Variants in PLEKHA5 observed in about 807,000 individuals in gnomAD.
The protein encoded by PLEKHA5 is pleckstrin homology domain-containing family A member 5.
Under a neutral mutation model 181.9 loss-of-function variants are expected in PLEKHA5, and 55 were observed. The observed-to-expected ratio is 0.30, with a 90% CI of 0.24 to 0.38. The LOEUF (loss-of-function observed/expected upper bound fraction) is 0.38. Among genes scored for constraint, PLEKHA5 ranks in the 10% least tolerant of loss-of-function variants. The pLI is 1.00. For missense variants in PLEKHA5, 1,432 were observed against 1,549.5 expected (o/e 0.92, Z 1.27); for synonymous variants, 535 against 529.4 (o/e 1.01, Z -0.15).
At chr12:19,261,841 G>A (rs941423509) in intron 7 of PLEKHA5, among the ~76,000 whole-genome samples, 3 of 152,138 alleles carry the variant, frequency 2.0e-5, no homozygotes, top group Admixed American at 1.3e-4. Flanking sequence ...ACAAAAGACC[G>A]GTAGCAAAAT....
At chr12:19,224,676 C>CT (rs775641052) in intron 3 of PLEKHA5, among the ~76,000 whole-genome samples, 67 of 152,226 alleles carry the variant, frequency 4.4e-4, no homozygotes, top group African/African-American at 1.4e-3. Flanking sequence ...GCTTCAGTGA[C>CT]TATCTCTGCT....
intron 3 of PLEKHA5, among the ~76,000 whole-genome samples, chr12:19,182,746 G>A (rs551075948): frequency 6.6e-6 from 1 of 152,232 alleles, no homozygotes; most frequent in South Asian, 2.1e-4. Context: ...ATAAGTATAA[G>A]TACTGAACCC....
intron 29 of PLEKHA5, among the ~76,000 whole-genome samples, chr12:19,365,000 T>G (rs2095380246): frequency 1.3e-5 from 2 of 152,082 alleles, no homozygotes; most frequent in South Asian, 4.1e-4. Context: ...AACAATCTGT[T>G]AATGCAATAG....
At chr12:19,306,718 G>A (rs1390571820) in intron 15 of PLEKHA5, 15 of 1,403,812 alleles carry the variant, frequency 1.1e-5, no homozygotes, top group Non-Finnish European at 1.5e-5. Context: ...AGGCAAGATC[G>A]ACGAACCACA....
At chr12:19,210,526 C>G (rs1414959536) in intron 3 of PLEKHA5, among the ~76,000 whole-genome samples, 3 of 152,132 alleles carry the variant, frequency 2.0e-5, no homozygotes, top group African/African-American at 7.2e-5. Flanking sequence ...CTGTCTAGCA[C>G]ACATCTTTGG....
chr12:19,200,414 TC>T, intron 3 of PLEKHA5: 1 of 1,505,344 alleles, frequency 6.6e-7, no homozygotes, highest in Non-Finnish European at 8.8e-7. Flanking sequence ...TAGCTTCACT[TC>T]TTGGTGACTA....
chr12:19,170,195 G>T (rs73056340), intron 3 of PLEKHA5, among the ~76,000 whole-genome samples: 1 of 152,100 alleles, frequency 6.6e-6, no homozygotes, highest in African/African-American at 2.4e-5. Flanking sequence ...ATTTTCATTC[G>T]TTGATAAAAT....
chr12:19,254,500 G>T (rs1273750680), intron 4 of PLEKHA5, among the ~76,000 whole-genome samples: 1 of 152,124 alleles, frequency 6.6e-6, no homozygotes, highest in Non-Finnish European at 1.5e-5. Flanking sequence ...TGACCAAGTA[G>T]AATATCTGCA....
chr12:19,287,410 G>T, intron 12 of PLEKHA5, 63 bp from the exon 13 acceptor site: 1 of 879,430 alleles, frequency 1.1e-6, no homozygotes, highest in Non-Finnish European at 1.9e-6. Flanking sequence ...ATTTCTCCTT[G>T]CTGACATTGA....
chr12:19,200,026 A>G (rs1459447809), intron 3 of PLEKHA5, among the ~76,000 whole-genome samples: 1 of 152,122 alleles, frequency 6.6e-6, no homozygotes, highest in East Asian at 1.9e-4. Context: ...GTACAAACAT[A>G]CAGTTAGATG....
At chr12:19,172,875 G>A (rs2046231488) in intron 3 of PLEKHA5, among the ~76,000 whole-genome samples, 2 of 151,222 alleles carry the variant, frequency 1.3e-5, no homozygotes, top group Non-Finnish European at 2.9e-5. Context: ...TGTGTCCTGT[G>A]CTTTTGGGGT....
Position 19,253,694 on chromosome 12 carries a change from CCTATAATCCAAGCTACT to C in PLEKHA5, c.228-245_228-229del, listed in dbSNP as rs561348158. ...TTAACTGGGCGCGTGATGGTGGGCG[CCTATAATCCAAGCTACT>C]TGGGAGGCTGAGGCAGAAGAATTGC... On this transcript the variant is annotated intron_variant, in intron 3 of 31. Transcript: ENST00000429027. Among the ~76,000 whole-genome samples, 554 of 151,882 alleles carry C rather than the reference CCTATAATCCAAGCTACT, an allele frequency of 3.6e-3. 3 individuals are homozygous for C. The highest frequency in any genetic ancestry group is 0.013 in the African/African-American group (535 of 41,414).
chr12:19,299,868 A>C (rs1256207185), intron 15 of PLEKHA5, among the ~76,000 whole-genome samples: 4 of 151,972 alleles, frequency 2.6e-5, no homozygotes, highest in South Asian at 2.1e-4. Flanking sequence ...TTTGCCTTAC[A>C]AAAAAAAGTC....
chr12:19,304,730 C>T (rs1490934114), intron 15 of PLEKHA5, among the ~76,000 whole-genome samples: 2 of 150,956 alleles, frequency 1.3e-5, no homozygotes, highest in Admixed American at 6.6e-5. Flanking sequence ...TAAATCTCCA[C>T]AGGTAGTTTT....
intron 3 of PLEKHA5, among the ~76,000 whole-genome samples, chr12:19,209,181 T>C (rs1163893408): frequency 6.6e-6 from 1 of 152,044 alleles, no homozygotes; most frequent in African/African-American, 2.4e-5. Flanking sequence ...TCTGCTAAAA[T>C]TGAAGGAAGA....
chr12:19,203,645 C>G (rs973261952), intron 3 of PLEKHA5, among the ~76,000 whole-genome samples: 13 of 152,024 alleles, frequency 8.6e-5, no homozygotes, highest in Non-Finnish European at 1.9e-4. Context: ...TCTCTAAACT[C>G]TCAAGAACAC....
At chr12:19,272,606 G>A (rs145564254) in intron 10 of PLEKHA5, among the ~76,000 whole-genome samples, 50 of 152,122 alleles carry the variant, frequency 3.3e-4, no homozygotes, top group African/African-American at 1.0e-3. Flanking sequence ...GTGTGGTGGC[G>A]TGTACCTATA....
chr12:19,161,837 C>T (rs570507817), intron 3 of PLEKHA5, among the ~76,000 whole-genome samples: 1 of 152,118 alleles, frequency 6.6e-6, no homozygotes, highest in Admixed American at 6.5e-5. Context: ...CGTACGTGTT[C>T]TGGGAGATTA....
intron 29 of PLEKHA5, among the ~76,000 whole-genome samples, chr12:19,362,139 G>C (rs2095263073): frequency 8.0e-6 from 1 of 124,970 alleles, no homozygotes; most frequent in Non-Finnish European, 1.6e-5. Flanking sequence ...GTATACTCCA[G>C]CCTGGGCAAC....
Sources: allele counts gnomAD v4.1 joint callset (sites outside exome capture counted in the v4.1 genomes callset), GRCh38; gene constraint gnomAD v4.1.1; transcripts MANE v1.5; gene names NCBI Gene and HGNC (gene_info 2026-07-23, HGNC 2026-07-21).